LAMA3: variants seen among roughly 807,000 people sequenced by gnomAD.
LAMA3 encodes laminin subunit alpha-3.
A neutral mutation model predicts 402.0 loss-of-function variants in LAMA3; 281 were observed. The observed-to-expected ratio is 0.70, with a 90% confidence interval of 0.63 to 0.77. The LOEUF (loss-of-function observed/expected upper bound fraction) is 0.77, where lower values mean the gene tolerates loss of function less well. Among genes scored for constraint, LAMA3 ranks in the 30% least tolerant of loss-of-function variants. LAMA3 has a pLI of 0.00. For synonymous variants in LAMA3, 1,431 were observed against 1,558.4 expected, an observed-to-expected ratio of 0.92 and a Z score of 1.93; for missense variants, 3,840 against 4,215.5, an observed-to-expected ratio of 0.91 and a Z score of 2.47.
At chr18:23,719,096 T>C (rs944646165) in intron 2 of LAMA3, among the ~76,000 whole-genome samples, 7 of 152,214 alleles carry the variant, frequency 4.6e-5, no homozygotes, top group African/African-American at 1.7e-4. Context: ...CTCCCTTATG[T>C]TCCTCTCTTC....
intron 1 of LAMA3, chr18:23,710,097 C>T (rs2060962542): frequency 8.3e-6 from 6 of 726,608 alleles, no homozygotes; most frequent in African/African-American, 1.7e-5. Flanking sequence ...CTCCTGGGGG[C>T]GCTCTGCCGA....
intron 23 of LAMA3, among the ~76,000 whole-genome samples, chr18:23,833,082 C>A (rs1042927829): frequency 7.2e-5 from 11 of 152,118 alleles, no homozygotes; most frequent in African/African-American, 2.7e-4. Context: ...TGGAGGCTGT[C>A]TGATTCCAGA....
At chr18:23,895,336 C>T (rs181554081) in intron 44 of LAMA3, among the ~76,000 whole-genome samples, 63 of 152,306 alleles carry the variant, frequency 4.1e-4, no homozygotes, top group Non-Finnish European at 8.4e-4. Context: ...GACTCAAACA[C>T]AGGTTTGTGT....
At chr18:23,903,744 A>G (rs1209019667) in intron 49 of LAMA3, among the ~76,000 whole-genome samples, 189 bp from the exon 50 acceptor site, 1 of 152,212 alleles carries the variant, frequency 6.6e-6, no homozygotes, top group Non-Finnish European at 1.5e-5. Context: ...ATAGTGGTAA[A>G]CCTTGGGGAA....
At chr18:23,763,344 C>T (rs1160004966) in intron 7 of LAMA3, 61 bp from the exon 8 acceptor site, 4 of 1,042,122 alleles carry the variant, frequency 3.8e-6, no homozygotes, top group Non-Finnish European at 6.1e-6. Context: ...ACTATTTACG[C>T]TATTTACTAA....
intron 60 of LAMA3, among the ~76,000 whole-genome samples, chr18:23,920,430 G>C (rs979680484): frequency 1.3e-5 from 2 of 152,100 alleles, no homozygotes; most frequent in African/African-American, 4.8e-5. Flanking sequence ...CAAAGGGAGT[G>C]GTGTGGGGAG....
chr18:23,943,736 C>A, intron 68 of LAMA3, 52 bp from the exon 69 acceptor site: 1 of 1,558,250 alleles, frequency 6.4e-7, no homozygotes, highest in Non-Finnish European at 8.9e-7. Flanking sequence ...TGCTGAGATT[C>A]GAAGGAACGC....
At position 23,750,920 on chromosome 18, in the gene LAMA3, T is replaced by G; in HGVS notation, c.687T>G (p.Val229=). The stretch of plus-strand genomic sequence containing the variant: ...TTATGTGTGTGTGGTCATTTTAGGT[T>G]GTGGTGTCCTTGATAAACGGTCGTC... ...SRIVPLENGE[V]VVSLINGRPG... is the part of the protein sequence containing the mutation. The change falls in exon 5 of 75, where the codon GTT becomes GTG. Residue 229 remains valine, a splice_region_variant and synonymous_variant. Coordinates refer to ENST00000313654, the MANE Select transcript of LAMA3 (RefSeq NM_198129.4). The G allele has an allele frequency of 6.2e-7, 1 of 1,614,166 alleles. No individual in the cohort carries two copies. The highest frequency in any genetic ancestry group is 8.5e-7 in the Non-Finnish European group (1 of 1,180,004).
intron 12 of LAMA3, among the ~76,000 whole-genome samples, chr18:23,803,324 A>G (rs1259916180): frequency 6.6e-6 from 1 of 152,092 alleles, no homozygotes; most frequent in Non-Finnish European, 1.5e-5. Flanking sequence ...CAGACTGGGA[A>G]CTCAGCTGTG....
chr18:23,899,592 G>A (rs371452135), intron 47 of LAMA3, 137 bp downstream of exon 47: 18 of 924,532 alleles, frequency 1.9e-5, no homozygotes, highest in East Asian at 2.7e-5. Flanking sequence ...AGAGCATCAC[G>A]TGGTGAAAAT....
chr18:23,744,654 A>G (rs1046468981), intron 2 of LAMA3, among the ~76,000 whole-genome samples: 6 of 151,590 alleles, frequency 4.0e-5, no homozygotes, highest in Non-Finnish European at 7.4e-5. Flanking sequence ...ACACGGTGAA[A>G]CCCCGTCTCT....
chr18:23,747,979 A>C lies in LAMA3; in HGVS notation c.484A>C (p.Asn162His), dbSNP rs748360452. 3.1e-6 allele frequency: 5 copies of C among 1,612,676 alleles called. No individual in the cohort carries two copies. The highest frequency in any genetic ancestry group is 4.2e-6 in the Non-Finnish European group (5 of 1,178,822). ...GGCCTATATTTTAATCAAATTTGCA[A>C]ATTCTCCTCGCCCTGATCTTTGGGT... ...HVAYILIKFA[N>H]SPRPDLWVLE... The change falls in exon 3 of 75, where the codon AAT becomes CAT. Residue 162 changes from asparagine to histidine, a missense_variant. Around this residue, in one of 3 missense-constraint regions of LAMA3, gnomAD observed 2,109 missense variants for 2,376.0 expected, o/e 0.89. Coordinates refer to ENST00000313654, the MANE Select transcript of LAMA3 (RefSeq NM_198129.4).
intron 42 of LAMA3, among the ~76,000 whole-genome samples, chr18:23,891,905 T>C (rs2080682228): frequency 6.6e-6 from 1 of 152,096 alleles, no homozygotes; most frequent in Admixed American, 6.5e-5. Flanking sequence ...ATAGAAGAGC[T>C]ATAGTTGTTC....
At chr18:23,897,527 C>T (rs545047610) in intron 44 of LAMA3, among the ~76,000 whole-genome samples, 3 of 152,278 alleles carry the variant, frequency 2.0e-5, no homozygotes, top group African/African-American at 7.2e-5. Flanking sequence ...ACTCAAGTCT[C>T]ACAACCTCCT....
chr18:23,709,035 G>A (rs939666324), intron 1 of LAMA3, among the ~76,000 whole-genome samples: 1 of 151,940 alleles, frequency 6.6e-6, no homozygotes, highest in Admixed American at 6.6e-5. Flanking sequence ...GATTACAGGT[G>A]TAAGCCACTG....
intron 20 of LAMA3, 94 bp from the exon 21 acceptor site, chr18:23,824,329 T>G: frequency 1.2e-4 from 162 of 1,319,042 alleles, no homozygotes; most frequent in Non-Finnish European, 1.6e-4. Flanking sequence ...TTAAACTTTT[T>G]GAGATGTAAA....
intron 24 of LAMA3, 56 bp from the exon 25 acceptor site, chr18:23,836,925 G>A: frequency 7.9e-7 from 1 of 1,261,466 alleles, no homozygotes; most frequent in South Asian, 1.2e-5. Flanking sequence ...AGAAGGATGT[G>A]CAGAATGAGG....
At chr18:23,917,330 T>C (rs1255663526) in intron 60 of LAMA3, among the ~76,000 whole-genome samples, 1 of 152,370 alleles carries the variant, frequency 6.6e-6, no homozygotes, top group East Asian at 1.9e-4. Context: ...GCAAGGAACA[T>C]TGGCGTGCAT....
At chr18:23,946,576 C>T (rs950349096) in intron 70 of LAMA3, 48 of 400,334 alleles carry the variant, frequency 1.2e-4, no homozygotes, top group African/African-American at 3.6e-4. Flanking sequence ...AATGCAAAAA[C>T]GTAGGTTTTA....
Sources: allele counts gnomAD v4.1 joint callset (sites outside exome capture counted in the v4.1 genomes callset), GRCh38; gene constraint gnomAD v4.1.1; regional missense constraint gnomAD v4.1.1; transcripts MANE v1.5; gene names NCBI Gene and HGNC (gene_info 2026-07-23, HGNC 2026-07-21).